The following ZMYM2 variants were observed in gnomAD, a reference collection of about 807,000 sequenced individuals.
ZMYM2 encodes zinc finger MYM-type protein 2.
In ZMYM2, 56 loss-of-function variants were observed where a neutral mutation model predicts 162.8. The observed-to-expected ratio is 0.34, with a 90% CI of 0.28 to 0.43. The LOEUF (loss-of-function observed/expected upper bound fraction) is 0.43, where lower values mean the gene tolerates loss of function less well. Ranked by LOEUF, ZMYM2 falls within the 20% of genes least tolerant of loss-of-function variation. The pLI, the probability that ZMYM2 is intolerant of heterozygous loss-of-function variation, is 1.00. For missense variants in ZMYM2, 1,275 were observed against 1,621.8 expected, an observed-to-expected ratio of 0.79 and a Z score of 3.67; for synonymous variants, 510 against 541.6, an observed-to-expected ratio of 0.94 and a Z score of 0.81.
intron 2 of ZMYM2, among the ~76,000 whole-genome samples, chr13:19,987,498 C>T (rs1392932763): frequency 4.6e-5 from 7 of 151,998 alleles, no homozygotes; most frequent in African/African-American, 1.5e-4. Context: ...CTCATGACCT[C>T]GTGATCTGCC....
the ZMYM2 span, among the ~76,000 whole-genome samples, chr13:19,934,049 C>T: frequency 6.6e-5 from 10 of 151,972 alleles, no homozygotes; most frequent in South Asian, 2.1e-4. Context: ...AATTTTCTTC[C>T]GTACCCCACT....
chr13:20,060,962 C>T lies in ZMYM2; in HGVS notation c.2740-91C>T, dbSNP rs190929166. 284 of 1,253,112 alleles carry T rather than the reference C, an allele frequency of 2.3e-4. 1 individual carries two copies. The highest frequency in any genetic ancestry group is 1.8e-3 in the Middle Eastern group (8 of 4,360). The allele number at this position is 1,253,112 out of a possible 1,614,324, so 77.6% of individuals were successfully genotyped here. A position where few individuals can be genotyped will look rare whatever the true frequency, so the allele number is the denominator to read the frequency against. On this transcript the variant is annotated intron_variant, in intron 16 of 24. Transcript: ENST00000610343. ...AAAGCTTTTATCCAGTGTGATATTACAAAGTAGATCATGTGTCAGAGTAAT... is the reference window on the plus strand; with the variant it reads ...AAAGCTTTTATCCAGTGTGATATTATAAAGTAGATCATGTGTCAGAGTAAT...
chr13:20,010,713 T>A (rs1951103866), intron 6 of ZMYM2, among the ~76,000 whole-genome samples: 1 of 152,192 alleles, frequency 6.6e-6, no homozygotes, highest in Non-Finnish European at 1.5e-5. Context: ...AGATCTTGGC[T>A]CACTGTAGCC....
intron 2 of ZMYM2, among the ~76,000 whole-genome samples, chr13:19,988,192 A>T (rs1949331170): frequency 6.6e-6 from 1 of 152,202 alleles, no homozygotes; most frequent in Non-Finnish European, 1.5e-5. Context: ...AGACCTTGGT[A>T]TTCTGTAAAA....
chr13:20,051,934 C>A lies in ZMYM2; in HGVS notation c.2458+336C>A, dbSNP rs145789358. 2.2e-4 allele frequency among the ~76,000 whole-genome samples: 33 copies of A among 152,018 alleles called. No homozygotes were observed. The East Asian group carries it at 4.3e-3, about 20-fold the overall frequency. On this transcript the variant is annotated intron_variant, in intron 13 of 24. Transcript: ENST00000610343. ...TAAATGAAAATTATTTTTAGCAAAT[C>A]GTATTGCTAGGGAGTAGGTTGGGAG...
At chr13:19,872,558 AAAAT>A in the ZMYM2 span, among the ~76,000 whole-genome samples, 3 of 152,170 alleles carry the variant, frequency 2.0e-5, no homozygotes, top group South Asian at 2.1e-4. Flanking sequence ...TCAAAAATAA[AAAAT>A]AAAAAAGTGG....
the ZMYM2 span, among the ~76,000 whole-genome samples, chr13:19,876,977 C>G: frequency 6.6e-6 from 1 of 152,254 alleles, no homozygotes; most frequent in South Asian, 2.1e-4. Context: ...GTAATCCCAG[C>G]ACTTTGGGAG....
chr13:19,960,057 T>C (rs1221954526), intron 2 of ZMYM2, 31 bp downstream of exon 2: 1 of 152,304 alleles, frequency 6.6e-6, no homozygotes, highest in Non-Finnish European at 1.5e-5. Flanking sequence ...TTGTTGCTAA[T>C]AGAGGACATT....
At chr13:19,916,595 A>G in the ZMYM2 span, among the ~76,000 whole-genome samples, 1 of 152,094 alleles carries the variant, frequency 6.6e-6, no homozygotes, top group Non-Finnish European at 1.5e-5. Flanking sequence ...CATCATTCTC[A>G]GCAAACTATC....
rs566550277 is a variant in ZMYM2 at position 20,051,372 on chromosome 13, A to G, written c.2293-61A>G. ...ATCACATTTGGCAATAATCACTGAT[A>G]AACTTCTGGAAATCTTCAAAAATAA... On this transcript the variant is annotated intron_variant, in intron 12 of 24. Coordinates refer to ENST00000610343, the MANE Select transcript of ZMYM2 (RefSeq NM_197968.4). 8.0e-5 allele frequency: 125 copies of G among 1,569,946 alleles called. 2 individuals are homozygous for G. In the East Asian group the frequency reaches 2.8e-3, roughly 35 times the overall value.
Position 20,086,184 on chromosome 13 carries a change from T to G in ZMYM2, c.*170T>G. Reference sequence around the variant, plus strand: ...AATCTGTGAGTGAAAGTTGCCATTATTCTATGTAGTGGTTTTAGGATACTT... The same window carrying G: ...AATCTGTGAGTGAAAGTTGCCATTAGTCTATGTAGTGGTTTTAGGATACTT... On this transcript the variant is annotated 3_prime_UTR_variant, in exon 25 of 25. Coordinates refer to ENST00000610343, the MANE Select transcript of ZMYM2 (RefSeq NM_197968.4). 1.8e-6 allele frequency: 1 copy of G among 542,380 alleles called. No individual in the cohort carries two copies. Among genetic ancestry groups the G allele is most frequent in the Non-Finnish European group, 3.1e-6 (1 of 323,424 alleles). 33.6% of individuals were successfully genotyped at this position (542,380 alleles called of 1,614,324 possible).
intron 9 of ZMYM2, among the ~76,000 whole-genome samples, chr13:20,029,550 A>G (rs1952886771): frequency 1.3e-5 from 2 of 152,082 alleles, no homozygotes; most frequent in South Asian, 2.1e-4. Context: ...AAATCTGTAT[A>G]TTTTATTTTT....
At chr13:20,026,345 A>C in intron 7 of ZMYM2, 1 of 259,864 alleles carries the variant, frequency 3.8e-6, no homozygotes, top group Admixed American at 5.1e-5. Flanking sequence ...ACTTAACTCT[A>C]TGTAGGGATT....
chr13:20,008,314 A>G (rs1408939642), intron 6 of ZMYM2, among the ~76,000 whole-genome samples: 1 of 152,056 alleles, frequency 6.6e-6, no homozygotes, highest in Non-Finnish European at 1.5e-5. Context: ...TATTTTTGGT[A>G]GCGATTGGGT....
intron 6 of ZMYM2, among the ~76,000 whole-genome samples, chr13:20,018,169 CAT>C (rs1951776693): frequency 6.6e-6 from 1 of 152,164 alleles, no homozygotes; most frequent in Non-Finnish European, 1.5e-5. Context: ...CTGTTCCCCA[CAT>C]AATCTCTACT....
rs5802036 is a variant in ZMYM2, at chr13:20,081,998, CTTTT to C, written c.3454-8_3454-5del. On this transcript the variant is annotated splice_polypyrimidine_tract_variant and intron_variant, in intron 21 of 24. Coordinates refer to ENST00000610343, the MANE Select transcript of ZMYM2 (RefSeq NM_197968.4). ...TTTTCTTTCAAGAAAGTTTGTGGGGCTTTTTTTTTTTTTATAGTATTTGTGTGGA... is the reference window on the plus strand; with the variant it reads ...TTTTCTTTCAAGAAAGTTTGTGGGGCTTTTTTTTTATAGTATTTGTGTGGA... 1.8e-5 allele frequency: 19 copies of C among 1,082,716 alleles called. No individual in the cohort carries two copies. Among genetic ancestry groups the C allele is most frequent in the Admixed American group, 6.7e-5 (2 of 29,978 alleles). The allele number at this position is 1,082,716 out of a possible 1,614,324, so 67.1% of individuals were successfully genotyped here. A position where few individuals can be genotyped will look rare whatever the true frequency, so the allele number is the denominator to read the frequency against.
At chr13:19,908,057 G>A in the ZMYM2 span, among the ~76,000 whole-genome samples, 1 of 152,158 alleles carries the variant, frequency 6.6e-6, no homozygotes, top group Non-Finnish European at 1.5e-5. Flanking sequence ...TGAGGCCAAG[G>A]CAGGTGGATC....
intron 16 of ZMYM2, among the ~76,000 whole-genome samples, chr13:20,060,197 G>C (rs890673690): frequency 6.6e-6 from 1 of 152,178 alleles, no homozygotes; most frequent in Non-Finnish European, 1.5e-5. Context: ...GCAGTTACTA[G>C]TTTAATGAAG....
the ZMYM2 span, among the ~76,000 whole-genome samples, chr13:19,938,360 T>C: frequency 5.3e-5 from 8 of 151,936 alleles, no homozygotes; most frequent in African/African-American, 1.7e-4. Flanking sequence ...TACAAAAAAA[T>C]TAGCCGGGCG....
Sources: gnomAD v4.1 joint callset for allele counts (sites outside exome capture counted in the v4.1 genomes callset) on GRCh38, gnomAD v4.1.1 for gene constraint, MANE v1.5 for transcripts, NCBI Gene and HGNC (gene_info 2026-07-23, HGNC 2026-07-21) for gene names.